The following DOCK3 variants were observed in gnomAD, a reference collection of about 807,000 sequenced individuals.
The protein encoded by DOCK3 is dedicator of cytokinesis 3.
In DOCK3, 60 loss-of-function variants were observed where a neutral mutation model predicts 265.6. That is an observed-to-expected ratio of 0.23 (90% CI 0.18 to 0.28). The LOEUF (loss-of-function observed/expected upper bound fraction) is 0.28, where lower values mean the gene tolerates loss of function less well. Among genes scored for constraint, DOCK3 ranks in the 10% least tolerant of loss-of-function variants. The probability of loss-of-function intolerance (pLI) is 1.00; values close to 1 mark genes in which losing one functional copy is unlikely to be tolerated. For synonymous variants in DOCK3, 881 were observed against 938.0 expected (o/e 0.94, Z 1.11); for missense variants, 1,981 against 2,594.3 (o/e 0.76, Z 5.14).
At chr3:50,912,026 A>G (rs2049880526) in intron 4 of DOCK3, among the ~76,000 whole-genome samples, 1 of 152,080 alleles carries the variant, frequency 6.6e-6, no homozygotes, top group Non-Finnish European at 1.5e-5. Flanking sequence ...TTGATGTTAT[A>G]TACTGCAACT....
intron 27 of DOCK3, among the ~76,000 whole-genome samples, chr3:51,299,164 ATGATCAG>A (rs1453611894): frequency 6.6e-6 from 1 of 152,050 alleles, no homozygotes; most frequent in Non-Finnish European, 1.5e-5. Flanking sequence ...CATTTCTCTA[ATGATCAG>A]TGATGTTCAG....
intron 2 of DOCK3, among the ~76,000 whole-genome samples, chr3:50,820,333 A>AT (rs376317846): frequency 1.2e-3 from 188 of 152,252 alleles, no homozygotes; most frequent in African/African-American, 3.5e-3. Flanking sequence ...ATCATGTATC[A>AT]TTTTTTATCA....
chr3:50,912,638 C>T (rs1021977231), intron 4 of DOCK3, among the ~76,000 whole-genome samples: 1 of 152,106 alleles, frequency 6.6e-6, no homozygotes, highest in Non-Finnish European at 1.5e-5. Flanking sequence ...TGTAGTTGAG[C>T]TGTTACTGAA....
At chr3:50,860,731 A>T (rs139928165) in intron 3 of DOCK3, among the ~76,000 whole-genome samples, 340 of 152,318 alleles carry the variant, frequency 2.2e-3, no homozygotes, top group Non-Finnish European at 3.8e-3. Context: ...CAAAGATGGC[A>T]GCCTGCCCCT....
intron 2 of DOCK3, among the ~76,000 whole-genome samples, chr3:50,803,530 C>T (rs924213116): frequency 2.0e-5 from 3 of 152,244 alleles, no homozygotes; most frequent in Non-Finnish European, 4.4e-5. Flanking sequence ...CACTTCCCCC[C>T]CTTCCACTCA....
chr3:50,931,343 T>G (rs561447553), intron 4 of DOCK3, among the ~76,000 whole-genome samples: 2 of 152,296 alleles, frequency 1.3e-5, no homozygotes, highest in Admixed American at 1.3e-4. Flanking sequence ...TTTAGAACAT[T>G]AGATGTTATA....
At chr3:51,346,120 C>T (rs2085545010) in intron 38 of DOCK3, among the ~76,000 whole-genome samples, 1 of 151,954 alleles carries the variant, frequency 6.6e-6, no homozygotes, top group Non-Finnish European at 1.5e-5. Flanking sequence ...ACTAATGACC[C>T]TCAATCTAAC....
chr3:51,166,445 A>G (rs1336304159), intron 12 of DOCK3, among the ~76,000 whole-genome samples: 1 of 152,236 alleles, frequency 6.6e-6, no homozygotes, highest in African/African-American at 2.4e-5. Flanking sequence ...GAGTGCAGAT[A>G]TCTCTTCAAG....
At chr3:51,160,521 C>T in intron 11 of DOCK3, 34 bp from the exon 12 acceptor site, 1 of 1,578,086 alleles carries the variant, frequency 6.3e-7, no homozygotes, top group Non-Finnish European at 8.6e-7. Context: ...GCATGCTTTT[C>T]TCAGTCTGAC....
chr3:51,367,452 A>C (rs1259332112), intron 49 of DOCK3, among the ~76,000 whole-genome samples: 2 of 152,178 alleles, frequency 1.3e-5, no homozygotes, highest in Non-Finnish European at 2.9e-5. Context: ...CCAATTTGCC[A>C]GTCTGTGTCT....
At chr3:50,801,201 G>A (rs745484546) in intron 2 of DOCK3, among the ~76,000 whole-genome samples, 4 of 152,102 alleles carry the variant, frequency 2.6e-5, no homozygotes, top group Admixed American at 6.5e-5. Context: ...GAGGGGAAGG[G>A]GTTCTGATTC....
At chr3:51,172,200 T>C (rs1195799793) in intron 12 of DOCK3, among the ~76,000 whole-genome samples, 1 of 149,828 alleles carries the variant, frequency 6.7e-6, no homozygotes, top group African/African-American at 2.5e-5. Flanking sequence ...TTTTGAGACA[T>C]AGTCTTGCTC....
At chr3:51,028,622 G>T (rs2079916649) in intron 5 of DOCK3, among the ~76,000 whole-genome samples, 1 of 151,802 alleles carries the variant, frequency 6.6e-6, no homozygotes. Flanking sequence ...TTTTTAAATT[G>T]TTTTTTCTTT....
At chr3:50,803,425 A>G (rs2043176455) in intron 2 of DOCK3, among the ~76,000 whole-genome samples, 1 of 152,226 alleles carries the variant, frequency 6.6e-6, no homozygotes, top group Admixed American at 6.5e-5. Context: ...CCAAGGCAGA[A>G]GAATTTTTCT....
chr3:51,381,211 C>T lies in DOCK3; in HGVS notation c.5745C>T (p.Asp1915=), dbSNP rs2088608943. 2 of 1,613,962 alleles carry T rather than the reference C, an allele frequency of 1.2e-6. No homozygotes were observed. The highest frequency in any genetic ancestry group is 1.7e-6 in the Non-Finnish European group (2 of 1,179,874). ...SEAPPRTDTM[D]SMPSQAWNAD... ...CCCCACCTCGCACTGACACCATGGA[C>T]TCCATGCCAAGTCAGGCCTGGAATG... Residue 1915 remains aspartate, a synonymous_variant, in exon 53 of 53, where the codon GAC becomes GAT. Transcript: ENST00000266037. This position sits in a 1 kb window ranked among gnomAD's most constrained non-coding sequence, Gnocchi z 5.6.
In DOCK3 at chr3:51,211,534, C is replaced by T. The variant is rs565215444; in HGVS notation, c.1127-2588C>T. On this transcript the variant is annotated intron_variant, in intron 13 of 52. Coordinates refer to ENST00000266037, the MANE Select transcript of DOCK3 (RefSeq NM_004947.5). ...CCTCCCCCAACCCCACAGCAGGCCC[C>T]GGTGTGTGATGTTCCCCTTCCTGTG... is the stretch of plus-strand genomic sequence containing the variant. Among the ~76,000 whole-genome samples the T allele has an allele frequency of 1.7e-3, 259 of 152,136 alleles. 1 individual carries two copies. Among genetic ancestry groups the T allele is most frequent in the Middle Eastern group, 3.4e-3 (1 of 294 alleles).
intron 5 of DOCK3, among the ~76,000 whole-genome samples, chr3:50,980,466 G>C (rs1308059708): frequency 6.6e-6 from 1 of 152,122 alleles, no homozygotes; most frequent in African/African-American, 2.4e-5. Context: ...GATGATGCTG[G>C]CCTCATAGAG....
At chr3:51,120,403 C>A (rs1282325424) in intron 9 of DOCK3, among the ~76,000 whole-genome samples, 1 of 152,156 alleles carries the variant, frequency 6.6e-6, no homozygotes, top group Non-Finnish European at 1.5e-5. Flanking sequence ...TGTCTGTCGA[C>A]CCCTACTGGG....
At chr3:51,016,909 T>C (rs866574973) in intron 5 of DOCK3, among the ~76,000 whole-genome samples, 2 of 120,536 alleles carry the variant, frequency 1.7e-5, no homozygotes, top group Admixed American at 1.1e-4. Flanking sequence ...GATATATGTT[T>C]ATATATAAAT....
Sources: gnomAD v4.1 joint callset for allele counts (sites outside exome capture counted in the v4.1 genomes callset) on GRCh38, gnomAD v4.1.1 for gene constraint, Gnocchi (gnomAD v3.1) non-coding constraint, MANE v1.5 for transcripts, NCBI Gene and HGNC (gene_info 2026-07-23, HGNC 2026-07-21) for gene names.